KSR2: variants seen among roughly 807,000 people sequenced by gnomAD.
The protein encoded by KSR2 is kinase suppressor of ras 2.
KSR2 carries 25 observed loss-of-function variants against 107.8 expected under a neutral mutation model. The observed-to-expected ratio is 0.23, with a 90% CI of 0.17 to 0.32. KSR2 has a LOEUF of 0.32. Ranked by LOEUF, KSR2 falls within the 10% of genes least tolerant of loss-of-function variation. KSR2 has a pLI of 1.00. For missense variants in KSR2, 887 were observed against 1,268.9 expected (o/e 0.70, Z 4.57); for synonymous variants, 480 against 507.0 (o/e 0.95, Z 0.71).
rs549556130 is a variant in KSR2, at chr12:117,741,299, T to C, written c.986+19712A>G. On this transcript the variant is annotated intron_variant, in intron 4 of 19. Coordinates refer to ENST00000339824, the MANE Select transcript of KSR2 (RefSeq NM_173598.6). ...TGGGAGACTGAGGTGGGAGGATTGCTTGACCCTAGGAGTTCAAGACCAGCC... is the reference window on the plus strand; with the variant it reads ...TGGGAGACTGAGGTGGGAGGATTGCCTGACCCTAGGAGTTCAAGACCAGCC... 5.3e-5 allele frequency among the ~76,000 whole-genome samples: 8 copies of C among 152,048 alleles called. No homozygotes were observed. In the South Asian group the frequency reaches 1.7e-3, roughly 32 times the overall value.
intron 1 of KSR2, among the ~76,000 whole-genome samples, chr12:117,942,765 G>T (rs186863722): frequency 6.6e-6 from 1 of 151,818 alleles, no homozygotes; most frequent in African/African-American, 2.4e-5. Flanking sequence ...CTTCCAAGGT[G>T]CTGGGATTAC....
At chr12:117,676,547 A>C (rs899972054) in intron 4 of KSR2, among the ~76,000 whole-genome samples, 1 of 152,194 alleles carries the variant, frequency 6.6e-6, no homozygotes, top group African/African-American at 2.4e-5. Flanking sequence ...AGAGAAAAGG[A>C]AGAATAAGAA....
intron 5 of KSR2, among the ~76,000 whole-genome samples, chr12:117,622,328 C>A (rs2136343516): frequency 6.6e-6 from 1 of 152,218 alleles, no homozygotes; most frequent in Non-Finnish European, 1.5e-5. Flanking sequence ...AGAGTCAACA[C>A]TGTTGAAATT....
chr12:117,539,576 C>T (rs1876316101), intron 10 of KSR2, 143 bp downstream of exon 10: 2 of 725,446 alleles, frequency 2.8e-6, no homozygotes, highest in Admixed American at 3.3e-5. Context: ...AGTCCACATA[C>T]TTCCTTGCCC....
intron 16 of KSR2, among the ~76,000 whole-genome samples, chr12:117,482,889 C>A (rs10850833): frequency 0.16 from 24,015 of 152,168 alleles, 2,319 homozygotes; most frequent in East Asian, 0.35. Context: ...CTTACTGGGC[C>A]TCCTTTTGTC....
At chr12:117,885,683 C>A (rs1593339423) in intron 1 of KSR2, among the ~76,000 whole-genome samples, 1 of 125,552 alleles carries the variant, frequency 8.0e-6, no homozygotes, top group African/African-American at 3.1e-5. Context: ...GGGAACAACA[C>A]AGGGGGCGGG....
intron 5 of KSR2, among the ~76,000 whole-genome samples, chr12:117,607,132 C>T (rs896986518): frequency 3.9e-5 from 6 of 152,254 alleles, no homozygotes; most frequent in African/African-American, 7.2e-5. Flanking sequence ...GGGCAAGGGA[C>T]GTGTCTGGTT....
At chr12:117,887,745 G>A (rs1355539899) in intron 1 of KSR2, among the ~76,000 whole-genome samples, 3 of 152,076 alleles carry the variant, frequency 2.0e-5, no homozygotes, top group Non-Finnish European at 4.4e-5. Context: ...ATTTCCATGT[G>A]GGCATCAGCA....
At position 117,558,519 on chromosome 12, in the gene KSR2, G is replaced by A. The variant is rs1697882554; in HGVS notation, c.1380C>T (p.Ile460=). 6.2e-7 allele frequency: 1 copy of A among 1,613,786 alleles called. No individual in the cohort carries two copies. Among genetic ancestry groups the A allele is most frequent in the African/African-American group, 1.3e-5 (1 of 74,908 alleles). The change falls in exon 8 of 20, where the codon ATC becomes ATT. Residue 460 remains isoleucine (I), a synonymous_variant. Transcript: ENST00000339824. ...TTAAATAGTTACCTCCTCGGTGGAT[G>A]ATCAGAAGATGACAGGGTGGGGCTT... ...TKEAPPCHLL[I]IHRGDPARLV...
At chr12:117,912,159 G>C (rs554811951) in intron 1 of KSR2, among the ~76,000 whole-genome samples, 2 of 152,174 alleles carry the variant, frequency 1.3e-5, no homozygotes, top group East Asian at 1.9e-4. Flanking sequence ...TGTGATAAAC[G>C]AAAGTCCTGG....
At chr12:117,934,121 T>G (rs1461542926) in intron 1 of KSR2, among the ~76,000 whole-genome samples, 1 of 152,232 alleles carries the variant, frequency 6.6e-6, no homozygotes, top group African/African-American at 2.4e-5. Context: ...GAATTCTGGA[T>G]TAAGAATTCT....
At chr12:117,859,458 TTTA>T (rs1325828663) in intron 2 of KSR2, among the ~76,000 whole-genome samples, 6 of 126,242 alleles carry the variant, frequency 4.8e-5, no homozygotes, top group Admixed American at 1.6e-4. Context: ...TTGTTTTTTA[TTTA>T]TTTTTTTTTT....
At chr12:117,848,671 G>A (rs1318789702) in intron 3 of KSR2, among the ~76,000 whole-genome samples, 3 of 152,116 alleles carry the variant, frequency 2.0e-5, no homozygotes, top group Admixed American at 6.5e-5. Context: ...AGGGCCCCTT[G>A]GAGGAAAAAA....
intron 3 of KSR2, among the ~76,000 whole-genome samples, chr12:117,808,952 C>T (rs1891101639): frequency 6.6e-6 from 1 of 152,296 alleles, no homozygotes; most frequent in Middle Eastern, 3.4e-3. Context: ...TCCCCTTCTC[C>T]CCAGTCTACC....
chr12:117,924,790 A>G (rs957154202), intron 1 of KSR2, among the ~76,000 whole-genome samples: 7 of 152,288 alleles, frequency 4.6e-5, no homozygotes, highest in African/African-American at 1.4e-4. Context: ...GAACCTGTAT[A>G]GATCCCAATT....
chr12:117,725,113 C>T (rs957054551), intron 4 of KSR2, among the ~76,000 whole-genome samples: 4 of 151,146 alleles, frequency 2.6e-5, no homozygotes, highest in Admixed American at 1.3e-4. Flanking sequence ...CACACACACA[C>T]CCCAAAAACA....
chr12:117,957,748 TACAC>T (rs60722226), intron 1 of KSR2, among the ~76,000 whole-genome samples: 22 of 148,114 alleles, frequency 1.5e-4, no homozygotes, highest in East Asian at 1.4e-3. Flanking sequence ...AATTGTGAGT[TACAC>T]ACACACACAC....
At chr12:117,740,472 A>C (rs548784167) in intron 4 of KSR2, among the ~76,000 whole-genome samples, 1 of 102,742 alleles carries the variant, frequency 9.7e-6, no homozygotes. Context: ...ATTATATGTA[A>C]TATATAACAT....
At chr12:117,656,606 C>G (rs555540918) in intron 5 of KSR2, among the ~76,000 whole-genome samples, 1 of 152,180 alleles carries the variant, frequency 6.6e-6, no homozygotes, top group South Asian at 2.1e-4. Context: ...AAGAGTGAAA[C>G]TGAATCTAAA....
Sources: gnomAD v4.1 joint callset for allele counts (sites outside exome capture counted in the v4.1 genomes callset) on GRCh38, gnomAD v4.1.1 for gene constraint, MANE v1.5 for transcripts, NCBI Gene and HGNC (gene_info 2026-07-23, HGNC 2026-07-21) for gene names.